The following TMEM260 variants were observed in gnomAD, a reference collection of about 807,000 sequenced individuals.
TMEM260 encodes the protein transmembrane protein 260.
A neutral mutation model predicts 88.9 loss-of-function variants in TMEM260; 82 were observed. The ratio of observed to expected loss-of-function variants is 0.92; its 90% CI spans 0.77 to 1.11. The LOEUF (loss-of-function observed/expected upper bound fraction) is 1.11. Ranked by LOEUF, TMEM260 falls within the 50% of genes least tolerant of loss-of-function variation. The pLI is 0.00. For synonymous variants in TMEM260, 314 were observed against 309.3 expected (o/e 1.02, Z -0.16); for missense variants, 902 against 853.4 (o/e 1.06, Z -0.71).
At chr14:56,632,315 C>G (rs925200560) in intron 12 of TMEM260, among the ~76,000 whole-genome samples, 1 of 152,126 alleles carries the variant, frequency 6.6e-6, no homozygotes, top group Non-Finnish European at 1.5e-5. Context: ...AGAGAAAAAG[C>G]AATGGAGATT....
intron 4 of TMEM260, among the ~76,000 whole-genome samples, chr14:56,604,344 T>C (rs1020018983): frequency 6.6e-6 from 1 of 152,156 alleles, no homozygotes; most frequent in African/African-American, 2.4e-5. Context: ...CCCCTTAAAT[T>C]AGGATGCATT....
Position 56,621,777 on chromosome 14 carries a change from A to G in TMEM260, c.1398+75A>G, listed in dbSNP as rs1240585570. The G allele has an allele frequency of 4.6e-6, 6 of 1,290,352 alleles. No individual in the cohort carries two copies. In the Admixed American group the frequency reaches 1.1e-4, roughly 24 times the overall value. 79.9% of individuals were successfully genotyped at this position (1,290,352 alleles called of 1,614,324 possible). On this transcript the variant is annotated intron_variant, in intron 11 of 15. Coordinates refer to ENST00000261556, the MANE Select transcript of TMEM260 (RefSeq NM_017799.4). ...ATGTTTTGGAAAAAACATCTTTTTTAAAATGGTGGACGGGTACAGTTTTCA... is the reference window on the plus strand; with the variant it reads ...ATGTTTTGGAAAAAACATCTTTTTTGAAATGGTGGACGGGTACAGTTTTCA...
intron 14 of TMEM260, among the ~76,000 whole-genome samples, chr14:56,635,434 C>G (rs548927119): frequency 6.6e-6 from 1 of 152,262 alleles, no homozygotes; most frequent in Non-Finnish European, 1.5e-5. Flanking sequence ...AGTTCCTACC[C>G]TCATGAAGCT....
At chr14:56,583,721 T>C (rs1885288202) in intron 1 of TMEM260, among the ~76,000 whole-genome samples, 1 of 152,046 alleles carries the variant, frequency 6.6e-6, no homozygotes, top group Admixed American at 6.6e-5. Flanking sequence ...GCAATTGAAC[T>C]TGGCCTTGAA....
At chr14:56,611,323 C>T (rs1027708978) in intron 6 of TMEM260, among the ~76,000 whole-genome samples, 1 of 152,160 alleles carries the variant, frequency 6.6e-6, no homozygotes, top group Non-Finnish European at 1.5e-5. Flanking sequence ...TTTTCACTGA[C>T]TTCTGTTTAA....
chr14:56,579,854 C>G lies in TMEM260; in HGVS notation c.-61C>G. 1.6e-6 allele frequency: 2 copies of G among 1,223,728 alleles called. No individual in the cohort carries two copies. The highest frequency in any genetic ancestry group is 1.6e-5 in the African/African-American group (1 of 64,338). The allele number at this position is 1,223,728 out of a possible 1,614,324, so 75.8% of individuals were successfully genotyped here. A position where few individuals can be genotyped will look rare whatever the true frequency, so the allele number is the denominator to read the frequency against. Reference sequence around the variant, plus strand: ...CTGCGCTCGTCTCTCGGCTGGGGAGCTCCGTGTCGCACCGGGTTCTTGGGC... The same window carrying G: ...CTGCGCTCGTCTCTCGGCTGGGGAGGTCCGTGTCGCACCGGGTTCTTGGGC... On this transcript the variant is annotated 5_prime_UTR_variant, in exon 1 of 16. Transcript: ENST00000261556.
At chr14:56,581,622 C>T (rs895132893) in intron 1 of TMEM260, among the ~76,000 whole-genome samples, 3 of 152,204 alleles carry the variant, frequency 2.0e-5, no homozygotes, top group Admixed American at 2.0e-4. Flanking sequence ...TTGTTGGGCA[C>T]TTACTATGTG....
chr14:56,651,473 T>C (rs747961413), downstream of TMEM260, among the ~76,000 whole-genome samples: 10 of 152,224 alleles, frequency 6.6e-5, no homozygotes, highest in Non-Finnish European at 1.0e-4. Context: ...TTTCCAGCAC[T>C]GTACATGTGA....
intron 11 of TMEM260, among the ~76,000 whole-genome samples, chr14:56,622,912 C>T (rs1888022641): frequency 6.6e-6 from 1 of 152,142 alleles, no homozygotes; most frequent in Non-Finnish European, 1.5e-5. Flanking sequence ...TTAATTTGAA[C>T]TTCAGTCTAG....
At chr14:56,646,171 A>C (rs1047626679) in intron 15 of TMEM260, among the ~76,000 whole-genome samples, 1 of 152,222 alleles carries the variant, frequency 6.6e-6, no homozygotes, top group Non-Finnish European at 1.5e-5. Context: ...GAGGGTTATT[A>C]ACTATTGAAA....
intron 7 of TMEM260, chr14:56,613,895 C>CAAAAAAAAAAAAAAA (rs35019348): frequency 7.5e-6 from 1 of 133,156 alleles, no homozygotes; most frequent in East Asian, 2.6e-4. Context: ...CCCGTCTCTG[C>CAAAAAAAAAAAAAAA]AAAAAAAAAA....
At chr14:56,642,539 A>G (rs375560952) in intron 15 of TMEM260, among the ~76,000 whole-genome samples, 3 of 152,144 alleles carry the variant, frequency 2.0e-5, no homozygotes, top group African/African-American at 4.8e-5. Flanking sequence ...AGCACTAAAT[A>G]CCCACAAGAG....
intron 5 of TMEM260, among the ~76,000 whole-genome samples, chr14:56,607,871 C>G (rs1003176968): frequency 7.9e-5 from 12 of 152,190 alleles, no homozygotes; most frequent in Admixed American, 3.9e-4. Flanking sequence ...TTCCCCAACT[C>G]TGCAATAGCT....
Position 56,637,392 on chromosome 14 carries a change from A to C in TMEM260, c.1869+794A>C, listed in dbSNP as rs182928043. Among the ~76,000 whole-genome samples the C allele has an allele frequency of 2.3e-3, 345 of 152,316 alleles. 8 individuals carry two copies. The highest frequency in any genetic ancestry group is 0.017 in the Admixed American group (257 of 15,308). ...TCTGTCTTTTAACTGTGGCCCCAGGAAGCCAAACTAACCTTCGGAAGACAC... is the reference window on the plus strand; with the variant it reads ...TCTGTCTTTTAACTGTGGCCCCAGGCAGCCAAACTAACCTTCGGAAGACAC... On this transcript the variant is annotated intron_variant, in intron 15 of 15. Coordinates refer to ENST00000261556, the MANE Select transcript of TMEM260 (RefSeq NM_017799.4).
intron 11 of TMEM260, among the ~76,000 whole-genome samples, chr14:56,624,945 AT>A (rs1225674108): frequency 6.6e-6 from 1 of 152,192 alleles, no homozygotes; most frequent in Non-Finnish European, 1.5e-5. Context: ...CAGGCATTAG[AT>A]TCTCTTAAGG....
chr14:56,580,415 TATG>T (rs1283021082), intron 1 of TMEM260, among the ~76,000 whole-genome samples: 1 of 152,254 alleles, frequency 6.6e-6, no homozygotes, highest in Non-Finnish European at 1.5e-5. Context: ...GTGTCCTTAT[TATG>T]TTTCAAACAA....
chr14:56,655,871 C>T, the TMEM260 span, among the ~76,000 whole-genome samples: 1,365 of 152,264 alleles, frequency 9.0e-3, 16 homozygotes, highest in African/African-American at 0.031. Flanking sequence ...TGTGCTATCT[C>T]CTGTGGGAAG....
At chr14:56,588,133 A>C (rs1594810827) in intron 3 of TMEM260, among the ~76,000 whole-genome samples, 1 of 152,046 alleles carries the variant, frequency 6.6e-6, no homozygotes, top group East Asian at 1.9e-4. Context: ...TTACAAACCA[A>C]ATCATCATTC....
At chr14:56,623,698 G>C (rs1055580216) in intron 11 of TMEM260, among the ~76,000 whole-genome samples, 1 of 152,208 alleles carries the variant, frequency 6.6e-6, no homozygotes, top group Non-Finnish European at 1.5e-5. Context: ...ATAGCACACA[G>C]TGGGTATGTA....
Sources: allele counts gnomAD v4.1 joint callset (sites outside exome capture counted in the v4.1 genomes callset), GRCh38; gene constraint gnomAD v4.1.1; transcripts MANE v1.5; gene names NCBI Gene and HGNC (gene_info 2026-07-23, HGNC 2026-07-21).